Variants in BTRC observed in about 807,000 individuals in gnomAD.
The protein encoded by BTRC is F-box/WD repeat-containing protein 1A.
Under a neutral mutation model 85.5 loss-of-function variants are expected in BTRC, and 42 were observed. That is an observed-to-expected ratio of 0.49 (90% confidence interval 0.38 to 0.64). The LOEUF (loss-of-function observed/expected upper bound fraction) is 0.64. Ranked by LOEUF, BTRC falls within the 30% of genes least tolerant of loss-of-function variation. The probability of loss-of-function intolerance (pLI) is 0.00; values close to 1 mark genes in which losing one functional copy is unlikely to be tolerated. For missense variants in BTRC, 594 were observed against 743.5 expected (o/e 0.80, Z 2.34); for synonymous variants, 255 against 263.3 (o/e 0.97, Z 0.30).
chr10:101,362,303 G>T (rs978239049), intron 1 of BTRC, among the ~76,000 whole-genome samples: 3 of 151,814 alleles, frequency 2.0e-5, no homozygotes, highest in African/African-American at 7.3e-5. Context: ...CTGTAGTTTG[G>T]CTTTCCTTTC....
chr10:101,474,986 A>C (rs1163814551), intron 3 of BTRC, among the ~76,000 whole-genome samples: 2 of 152,228 alleles, frequency 1.3e-5, no homozygotes, highest in Non-Finnish European at 2.9e-5. Context: ...AATACTGATT[A>C]CTTCATAAAT....
chr10:101,383,560 T>C (rs1052511223), intron 1 of BTRC, among the ~76,000 whole-genome samples: 2 of 152,094 alleles, frequency 1.3e-5, no homozygotes, highest in African/African-American at 2.4e-5. Context: ...AGTGCAGTGG[T>C]TCGATCCTAG....
chr10:101,426,681 A>G (rs1011104696), intron 1 of BTRC, among the ~76,000 whole-genome samples: 2 of 152,226 alleles, frequency 1.3e-5, no homozygotes, highest in African/African-American at 4.8e-5. Flanking sequence ...AACGGAGGAG[A>G]CAAATCATTC....
intron 6 of BTRC, among the ~76,000 whole-genome samples, chr10:101,527,776 TC>T (rs2062215392): frequency 2.1e-5 from 3 of 144,024 alleles, no homozygotes; most frequent in Non-Finnish European, 4.7e-5. Context: ...TCTCTCTCTC[TC>T]TCTCTCTCTC....
At chr10:101,534,490 T>G (rs1224745068) in intron 9 of BTRC, among the ~76,000 whole-genome samples, 171 bp from the exon 10 acceptor site, 1 of 152,158 alleles carries the variant, frequency 6.6e-6, no homozygotes, top group Non-Finnish European at 1.5e-5. Flanking sequence ...TTGCCCATAT[T>G]TCAAGCAGTA....
chr10:101,475,481 A>G (rs910985308), intron 3 of BTRC, among the ~76,000 whole-genome samples: 52 of 152,226 alleles, frequency 3.4e-4, no homozygotes, highest in Non-Finnish European at 4.3e-4. Context: ...TGCAGGTTAC[A>G]GTGAGCCGAG....
chr10:101,380,801 A>C (rs960370612), intron 1 of BTRC, among the ~76,000 whole-genome samples: 1 of 152,200 alleles, frequency 6.6e-6, no homozygotes, highest in Non-Finnish European at 1.5e-5. Flanking sequence ...TATGTGATAC[A>C]TTATGAGAAA....
At chr10:101,520,489 G>A (rs1000081703) in intron 4 of BTRC, among the ~76,000 whole-genome samples, 2 of 152,128 alleles carry the variant, frequency 1.3e-5, no homozygotes, top group African/African-American at 4.8e-5. Flanking sequence ...AATACTTATT[G>A]AATGAATCAA....
Position 101,498,885 on chromosome 10 carries a change from C to G in BTRC, c.324+19428C>G, listed in dbSNP as rs569971483. Among the ~76,000 whole-genome samples the G allele has an allele frequency of 5.9e-5, 9 of 151,964 alleles. No individual in the cohort carries two copies. In the South Asian group the frequency reaches 1.9e-3, roughly 32 times the overall value. ...GTGCGCGCCTGTAATCCCAGCTACT[C>G]AGGAGGCTGAGGCAGGAGAATCACT... is the stretch of plus-strand genomic sequence containing the variant. On this transcript the variant is annotated intron_variant, in intron 4 of 14. Coordinates refer to ENST00000370187, the MANE Select transcript of BTRC (RefSeq NM_033637.4).
At chr10:101,425,238 G>T (rs893737637) in intron 1 of BTRC, among the ~76,000 whole-genome samples, 3 of 151,918 alleles carry the variant, frequency 2.0e-5, no homozygotes, top group African/African-American at 4.8e-5. Context: ...CTTTACTATC[G>T]CATTGCAGCA....
At chr10:101,494,606 C>G (rs947824961) in intron 4 of BTRC, among the ~76,000 whole-genome samples, 1 of 152,064 alleles carries the variant, frequency 6.6e-6, no homozygotes, top group African/African-American at 2.4e-5. Context: ...CTCATTTTCC[C>G]TCCCTGATTC....
At chr10:101,365,750 T>TA (rs1942354734) in intron 1 of BTRC, among the ~76,000 whole-genome samples, 1 of 152,108 alleles carries the variant, frequency 6.6e-6, no homozygotes, top group African/African-American at 2.4e-5. Context: ...GTGCTGGGAT[T>TA]ATAGGCATGA....
chr10:101,534,416 T>C (rs1420208893), intron 9 of BTRC, among the ~76,000 whole-genome samples: 1 of 152,150 alleles, frequency 6.6e-6, no homozygotes, highest in Non-Finnish European at 1.5e-5. Flanking sequence ...AGTTTTACAG[T>C]CTTCAAGTCT....
intron 2 of BTRC, among the ~76,000 whole-genome samples, chr10:101,437,010 C>T (rs1046384679): frequency 6.6e-6 from 1 of 152,098 alleles, no homozygotes; most frequent in East Asian, 1.9e-4. Flanking sequence ...TATTACAAAA[C>T]AATACCATAA....
chr10:101,388,691 A>T (rs1049604904), intron 1 of BTRC, among the ~76,000 whole-genome samples: 5 of 151,042 alleles, frequency 3.3e-5, no homozygotes, highest in African/African-American at 1.2e-4. Context: ...GGGTTTTGCC[A>T]TGTTGCCTAG....
At chr10:101,493,731 A>G (rs192300765) in intron 4 of BTRC, among the ~76,000 whole-genome samples, 1 of 152,352 alleles carries the variant, frequency 6.6e-6, no homozygotes, top group African/African-American at 2.4e-5. Context: ...CTAGCATTCC[A>G]TATGAGATGA....
chr10:101,368,523 A>C (rs1230941845), intron 1 of BTRC, among the ~76,000 whole-genome samples: 1 of 120,992 alleles, frequency 8.3e-6, no homozygotes, highest in Non-Finnish European at 1.6e-5. Context: ...TCTGTTGCCC[A>C]GGCCGGAGTG....
chr10:101,468,011 T>A (rs1167838550), intron 3 of BTRC, among the ~76,000 whole-genome samples: 6 of 152,210 alleles, frequency 3.9e-5, no homozygotes, highest in Admixed American at 2.6e-4. Flanking sequence ...TTCTGTTGAA[T>A]CCTTTAGAGT....
In BTRC at chr10:101,402,645, G is replaced by A. The variant is rs145817606; in HGVS notation, c.49-27700G>A. On this transcript the variant is annotated intron_variant, in intron 1 of 14. Coordinates refer to ENST00000370187, the MANE Select transcript of BTRC (RefSeq NM_033637.4). ...AATTGTGGAATTTTATTGCTGTAAG[G>A]TAGTTAGAAATATCTTATTCTATCC... Among the ~76,000 whole-genome samples, 722 of 152,238 alleles carry A rather than the reference G, an allele frequency of 4.7e-3. 9 individuals are homozygous for A. Among genetic ancestry groups the A allele is most frequent in the Non-Finnish European group, 4.3e-3 (295 of 68,014 alleles).
Sources: allele counts gnomAD v4.1 joint callset (sites outside exome capture counted in the v4.1 genomes callset), GRCh38; gene constraint gnomAD v4.1.1; transcripts MANE v1.5; gene names NCBI Gene and HGNC (gene_info 2026-07-23, HGNC 2026-07-21).